SYNM: variants seen among roughly 807,000 people sequenced by gnomAD.
The protein encoded by SYNM is desmuslin.
A neutral mutation model predicts 104.0 loss-of-function variants in SYNM; 95 were observed. That is an observed-to-expected ratio of 0.91 (90% CI 0.77 to 1.08). The LOEUF is 1.08. Ranked by LOEUF, SYNM falls within the 50% of genes least tolerant of loss-of-function variation. The pLI is 0.00. For missense variants in SYNM, 2,150 were observed against 2,052.2 expected, an observed-to-expected ratio of 1.05 and a Z score of -0.92; for synonymous variants, 918 against 869.0, an observed-to-expected ratio of 1.06 and a Z score of -0.99.
At chr15:99,125,019 GGAA>G (rs2067434158) in intron 2 of SYNM, among the ~76,000 whole-genome samples, 1 of 152,244 alleles carries the variant, frequency 6.6e-6, no homozygotes, top group South Asian at 2.1e-4. Flanking sequence ...TTGGAATTCT[GGAA>G]GAGGAGCAGA....
rs782719666 is a variant in SYNM at position 99,105,324 on chromosome 15, A to G, written c.125A>G (p.Glu42Gly). The stretch of plus-strand genomic sequence containing the variant: ...CGCGAAAACCTACTCCTGGAGGAGG[A>G]GCTGCGCGGCCGGCGCGGGCGAGAG... ...LERENLLLEE[E>G]LRGRRGREGL... Residue 42 changes from glutamate (E) to glycine (G), a missense_variant, in exon 1 of 4, where the codon GAG (glutamate) becomes GGG (glycine). Glu to Gly is a moderately conservative substitution (Grantham distance 98, BLOSUM62 -2). Transcript: ENST00000336292. The G allele has an allele frequency of 3.4e-5, 53 of 1,542,836 alleles. No homozygotes were observed. Among genetic ancestry groups the G allele is most frequent in the Non-Finnish European group, 4.4e-5 (50 of 1,146,096 alleles).
Position 99,105,489 on chromosome 15 carries a change from G to C in SYNM, c.290G>C (p.Arg97Pro). The C allele has an allele frequency of 2.2e-6, 3 of 1,341,670 alleles. No homozygotes were observed. The highest frequency in any genetic ancestry group is 2.9e-6 in the Non-Finnish European group (3 of 1,050,952). 83.1% of individuals were successfully genotyped at this position (1,341,670 alleles called of 1,614,324 possible). The change falls in exon 1 of 4, where the codon CGC becomes CCC. Residue 97 changes from arginine to proline, a missense_variant. By Grantham distance (103) the Arg-to-Pro change is moderately radical. Transcript: ENST00000336292. ...CGGCGCGAGCTGCGGGAGCTGCAGC[G>C]CCTGGATGCGGAGGAGCGCGCCGCC... is the stretch of plus-strand genomic sequence containing the variant. ...ALRRELRELQ[R>P]LDAEERAARG...
In SYNM at chr15:99,113,605, C is replaced by T. The variant is rs1555483622; in HGVS notation, c.825C>T (p.Cys275=). 1 of 1,613,412 alleles carries T rather than the reference C, an allele frequency of 6.2e-7. No individual in the cohort carries two copies. The highest frequency in any genetic ancestry group is 1.7e-5 in the Admixed American group (1 of 59,946). ...ATTCTCTTTAGAGAGTGATTGACTG[C>T]CTGGAGGATGAGAAGGCAACCCTCA... ...QAEERQRVID[C]LEDEKATLTL... The change falls in exon 2 of 4, where the codon TGC becomes TGT. Residue 275 remains cysteine (C), a synonymous_variant. Coordinates refer to ENST00000336292, the MANE Select transcript of SYNM (RefSeq NM_145728.3).
intron 2 of SYNM, among the ~76,000 whole-genome samples, chr15:99,122,467 CTT>C (rs2067410019): frequency 6.6e-6 from 1 of 151,948 alleles, no homozygotes. Context: ...TTTTGGAAGA[CTT>C]ATAAAAATGT....
chr15:99,131,068 G>C lies in SYNM; in HGVS notation c.2708G>C (p.Gly903Ala), dbSNP rs1044953087. 9 of 1,605,970 alleles carry C rather than the reference G, an allele frequency of 5.6e-6. No individual in the cohort carries two copies. The highest frequency in any genetic ancestry group is 6.0e-6 in the Non-Finnish European group (7 of 1,176,022). ...VPAPSLEGDL[G>A]STHWKEQARS... is the part of the protein sequence containing the mutation. Reference sequence around the variant, plus strand: ...GCGCCCTCTCTGGAGGGGGACCTGGGTTCCACTCACTGGAAAGAACAAGCT... The same window carrying C: ...GCGCCCTCTCTGGAGGGGGACCTGGCTTCCACTCACTGGAAAGAACAAGCT... The change falls in exon 4 of 4, where the codon GGT becomes GCT. Residue 903 changes from glycine to alanine, a missense_variant. Gly to Ala is a moderately conservative substitution (Grantham distance 60). Transcript: ENST00000336292. The surrounding 1 kb of genome is among the most constrained non-coding windows in gnomAD (Gnocchi z 4.3).
rs1350051975 is a variant in SYNM at position 99,105,277 on chromosome 15, G to C, written c.78G>C (p.Val26=). 7.7e-6 allele frequency: 12 copies of C among 1,559,096 alleles called. No individual in the cohort carries two copies. Among genetic ancestry groups the C allele is most frequent in the African/African-American group, 1.4e-5 (1 of 73,536 alleles). ...TCAACGCCCGGCTCTATGACTACGTGTGTCGGGTGCGGGAGCTGGAGCGCG... is the reference window on the plus strand; with the variant it reads ...TCAACGCCCGGCTCTATGACTACGTCTGTCGGGTGCGGGAGCTGGAGCGCG... The part of the protein sequence containing the change: ...QELNARLYDY[V]CRVRELEREN... The change falls in exon 1 of 4, where the codon GTG becomes GTC. Residue 26 remains valine (V), a synonymous_variant. Transcript: ENST00000336292.
chr15:99,129,236 A>G, intron 3 of SYNM, 131 bp from the exon 4 acceptor site: 1 of 1,320,816 alleles, frequency 7.6e-7, no homozygotes, highest in South Asian at 1.5e-5. Flanking sequence ...ACTTATCTTT[A>G]TAATGAGCTT....
chr15:99,108,110 G>A (rs901545362), intron 1 of SYNM, among the ~76,000 whole-genome samples: 4 of 152,000 alleles, frequency 2.6e-5, no homozygotes, highest in Non-Finnish European at 5.9e-5. Flanking sequence ...GAGTAGCTGG[G>A]AGTACAGGAT....
Position 99,113,655 on chromosome 15 carries a change from G to C in SYNM, c.875G>C (p.Arg292Pro). 6.2e-7 allele frequency: 1 copy of C among 1,613,434 alleles called. No individual in the cohort carries two copies. Among genetic ancestry groups the C allele is most frequent in the Admixed American group, 1.7e-5 (1 of 59,950 alleles). ...ACCTTGGCCATGGCTGACTGGCTGC[G>C]GGACTATCAGGACCTCCTGCAGGTG... ...TLTLAMADWLRDYQDLLQVKT... is the reference protein window; with the variant it reads ...TLTLAMADWLPDYQDLLQVKT... Residue 292 changes from arginine to proline, a missense_variant, in exon 2 of 4, where the codon CGG (arginine) becomes CCG (proline). By Grantham distance (103) the Arg-to-Pro change is moderately radical (BLOSUM62 -2). Transcript: ENST00000336292.
rs2067478532 is a variant in SYNM at position 99,129,585 on chromosome 15, A to C, written c.1225A>C (p.Thr409Pro). ...LGSGYSSSAT[T>P]QQENSYGKAV... ...CTCGGGATATTCTTCCTCGGCCACT[A>C]CCCAGCAGGAAAACTCATACGGAAA... The change falls in exon 4 of 4, where the codon ACC becomes CCC. Residue 409 changes from threonine (T) to proline (P), a missense_variant. By Grantham distance (38) the Thr-to-Pro change is conservative (BLOSUM62 -1). Coordinates refer to ENST00000336292, the MANE Select transcript of SYNM (RefSeq NM_145728.3). 1 of 1,613,866 alleles carries C rather than the reference A, an allele frequency of 6.2e-7. No individual in the cohort carries two copies. The highest frequency in any genetic ancestry group is 1.1e-5 in the South Asian group (1 of 91,092).
At position 99,134,182 on chromosome 15, in the gene SYNM, G is replaced by T. The variant is rs1039995464; in HGVS notation, c.*1124G>T. 2 of 152,086 alleles carry T rather than the reference G, an allele frequency of 1.3e-5. No individual in the cohort carries two copies. Among genetic ancestry groups the T allele is most frequent in the African/African-American group, 4.8e-5 (2 of 41,422 alleles). 9.4% of individuals were successfully genotyped at this position (152,086 alleles called of 1,614,324 possible). A position where few individuals can be genotyped will look rare whatever the true frequency, so the allele number is the denominator to read the frequency against. ...TTGAACAGAAGTCATTGCAGTTGGG[G>T]TGTTTTGTCCAGGGAAACAGTTTAT... On this transcript the variant is annotated 3_prime_UTR_variant, in exon 4 of 4. Coordinates refer to ENST00000336292, the MANE Select transcript of SYNM (RefSeq NM_145728.3).
intron 1 of SYNM, among the ~76,000 whole-genome samples, chr15:99,106,232 C>T (rs1294561174): frequency 6.6e-6 from 1 of 152,204 alleles, no homozygotes; most frequent in African/African-American, 2.4e-5. Context: ...CGGATAGCCC[C>T]GTCCTCGTCA....
intron 2 of SYNM, among the ~76,000 whole-genome samples, chr15:99,115,324 C>T (rs890938239): frequency 6.6e-6 from 1 of 152,024 alleles, no homozygotes; most frequent in African/African-American, 2.4e-5. Context: ...GGACCAACTC[C>T]CCTGGTGAGG....
intron 2 of SYNM, among the ~76,000 whole-genome samples, chr15:99,124,446 C>T (rs1157296409): frequency 4.6e-5 from 7 of 152,186 alleles, no homozygotes; most frequent in African/African-American, 1.7e-4. Flanking sequence ...GTGTCGCTGC[C>T]TGCTAGGATC....
chr15:99,125,585 G>T (rs2067439871), intron 2 of SYNM, among the ~76,000 whole-genome samples: 1 of 152,214 alleles, frequency 6.6e-6, no homozygotes, highest in Non-Finnish European at 1.5e-5. Flanking sequence ...TGTTCATGGG[G>T]CTCACCATGT....
chr15:99,134,242 A>G lies in SYNM; in HGVS notation c.*1184A>G, dbSNP rs140153935. On this transcript the variant is annotated 3_prime_UTR_variant, in exon 4 of 4. Transcript: ENST00000336292. ...GGATGTTTTGGGGAAGGAACTGGATATCTCTCCTGCAGCCCAGCACCGAGA... is the reference window on the plus strand; with the variant it reads ...GGATGTTTTGGGGAAGGAACTGGATGTCTCTCCTGCAGCCCAGCACCGAGA... The G allele has an allele frequency of 6.6e-6, 1 of 152,062 alleles. No homozygotes were observed. The highest frequency in any genetic ancestry group is 2.1e-4 in the South Asian group (1 of 4,798). The allele number at this position is 152,062 out of a possible 1,614,324, so 9.4% of individuals were successfully genotyped here. A position where few individuals can be genotyped will look rare whatever the true frequency, so the allele number is the denominator to read the frequency against.
chr15:99,139,603 CTA>C (rs1220506204), downstream of SYNM: 3 of 1,526,956 alleles, frequency 2.0e-6, no homozygotes, highest in Admixed American at 2.1e-5. Flanking sequence ...AGTTTTAGCA[CTA>C]TTTCACAAAA....
chr15:99,137,988 A>C, downstream of SYNM: 1 of 1,614,006 alleles, frequency 6.2e-7, no homozygotes, highest in Non-Finnish European at 8.5e-7. Flanking sequence ...GGAATGTCCT[A>C]GGCTTTTTCA....
In SYNM at chr15:99,130,078, G is replaced by A. The variant is rs781799861; in HGVS notation, c.1718G>A (p.Arg573Gln). ...GACTCACCGAAGGAGAAGAGCGTGC[G>A]AGAGAGAGAGGTGCCGATTAGTCTA... is the stretch of plus-strand genomic sequence containing the variant. ...EKDSPKEKSV[R>Q]EREVPISLEV... is the part of the protein sequence containing the mutation. Residue 573 changes from arginine (R) to glutamine (Q), a missense_variant, in exon 4 of 4, where the codon CGA (arginine) becomes CAA (glutamine). Physicochemically the swap from Arg to Gln is conservative, Grantham distance 43 (BLOSUM62 1). Transcript: ENST00000336292. The A allele has an allele frequency of 5.0e-6, 8 of 1,599,120 alleles. No homozygotes were observed. The highest frequency in any genetic ancestry group is 3.4e-5 in the Admixed American group (2 of 59,040).
Sources: allele counts gnomAD v4.1 joint callset (sites outside exome capture counted in the v4.1 genomes callset), GRCh38; gene constraint gnomAD v4.1.1; non-coding constraint Gnocchi (gnomAD v3.1); transcripts MANE v1.5; gene names NCBI Gene and HGNC (gene_info 2026-07-23, HGNC 2026-07-21).